Variants in GPR139 observed in about 807,000 individuals in gnomAD.
GPR139 encodes the protein G protein-coupled receptor 139, also known as probable G protein-coupled receptor 139.
Under a neutral mutation model 25.8 loss-of-function variants are expected in GPR139, and 12 were observed. That is an observed-to-expected ratio of 0.47 (90% confidence interval 0.30 to 0.75). The LOEUF is 0.75. Ranked by LOEUF, GPR139 falls within the 30% of genes least tolerant of loss-of-function variation. The pLI, the probability that GPR139 is intolerant of heterozygous loss-of-function variation, is 0.07. For missense variants in GPR139, 380 were observed against 450.2 expected, an observed-to-expected ratio of 0.84 and a Z score of 1.41; for synonymous variants, 184 against 179.9, an observed-to-expected ratio of 1.02 and a Z score of -0.18.
chr16:20,073,684 G>A lies in GPR139; in HGVS notation c.-68C>T. ...CCAGCCCGACTCTGGTCGCCGGCTC[G>A]GTGGTGGCGGCGGCGGAGGCAGCGG... is the stretch of plus-strand genomic sequence containing the variant. On this transcript the variant is annotated 5_prime_UTR_variant, in exon 1 of 2. Coordinates refer to ENST00000570682, the MANE Select transcript of GPR139 (RefSeq NM_001002911.4). The surrounding 1 kb of genome is among the most constrained non-coding windows in gnomAD (Gnocchi z 4.7). 2.0e-6 allele frequency: 3 copies of A among 1,477,122 alleles called. No individual in the cohort carries two copies. Among genetic ancestry groups the A allele is most frequent in the Non-Finnish European group, 2.7e-6 (3 of 1,116,160 alleles). The allele number at this position is 1,477,122 out of a possible 1,614,324, so 91.5% of individuals were successfully genotyped here.
chr16:20,060,857 C>A (rs987899367), intron 1 of GPR139, among the ~76,000 whole-genome samples: 1 of 152,004 alleles, frequency 6.6e-6, no homozygotes, highest in African/African-American at 2.4e-5. Context: ...AGCCTGCTCC[C>A]TTTGTCCCCT....
intron 1 of GPR139, among the ~76,000 whole-genome samples, chr16:20,036,616 C>T (rs985655889): frequency 1.3e-5 from 2 of 152,144 alleles, no homozygotes; most frequent in African/African-American, 4.8e-5. Context: ...TCTCATGAGA[C>T]TTATTCACTA....
intron 1 of GPR139, among the ~76,000 whole-genome samples, chr16:20,036,953 G>C (rs2057312012): frequency 6.6e-6 from 1 of 152,190 alleles, no homozygotes; most frequent in Non-Finnish European, 1.5e-5. Context: ...AGGCTTTGGA[G>C]ATACAGGTAT....
At chr16:20,065,390 C>G (rs2057428339) in intron 1 of GPR139, among the ~76,000 whole-genome samples, 1 of 152,142 alleles carries the variant, frequency 6.6e-6, no homozygotes, top group African/African-American at 2.4e-5. Flanking sequence ...ACTCCCACTT[C>G]TCTCGACCTG....
At chr16:20,043,569 T>C (rs770287023) in intron 1 of GPR139, among the ~76,000 whole-genome samples, 3 of 152,250 alleles carry the variant, frequency 2.0e-5, no homozygotes, top group Non-Finnish European at 4.4e-5. Context: ...CAGTTTATTT[T>C]AAAAGTGAGT....
At chr16:20,063,695 C>T (rs1031951302) in intron 1 of GPR139, among the ~76,000 whole-genome samples, 11 of 152,168 alleles carry the variant, frequency 7.2e-5, no homozygotes, top group South Asian at 2.1e-4. Flanking sequence ...TCTAAGCAAT[C>T]GTTCTGAGCT....
rs1334867595 is a variant in GPR139 at position 20,029,484 on chromosome 16, A to AATAAAT, written c.*2250_*2251insATTTAT. Among the ~76,000 whole-genome samples, 211 of 144,096 alleles carry AATAAAT rather than the reference A, an allele frequency of 1.5e-3. No homozygotes were observed. The highest frequency in any genetic ancestry group is 3.7e-3 in the Middle Eastern group (1 of 272). 94.5% of individuals were successfully genotyped at this position (144,096 alleles called of 152,430 possible). On this transcript the variant is annotated 3_prime_UTR_variant, in exon 2 of 2. Transcript: ENST00000570682. ...TACATGTTTAAAAAATAAATAAATA[A>AATAAAT]ATATATATATATATATATATTCAGT...
At chr16:20,058,544 C>A (rs2057399650) in intron 1 of GPR139, among the ~76,000 whole-genome samples, 1 of 152,138 alleles carries the variant, frequency 6.6e-6, no homozygotes, top group South Asian at 2.1e-4. Context: ...TTGAGAAGAT[C>A]CAAGAAGCAA....
At chr16:20,059,643 T>C (rs1173776821) in intron 1 of GPR139, among the ~76,000 whole-genome samples, 1 of 152,174 alleles carries the variant, frequency 6.6e-6, no homozygotes, top group Admixed American at 6.5e-5. Flanking sequence ...CTGCTGCTTG[T>C]CTCCTTGCTC....
chr16:20,045,876 G>A (rs1371880172), intron 1 of GPR139, among the ~76,000 whole-genome samples: 2 of 152,174 alleles, frequency 1.3e-5, no homozygotes, highest in African/African-American at 4.8e-5. Context: ...TCCGGCTAGC[G>A]ACTGCCTTGG....
intron 1 of GPR139, among the ~76,000 whole-genome samples, chr16:20,038,329 A>ATCTGTGTGTGTG (rs1295913117): frequency 4.2e-5 from 4 of 95,826 alleles, no homozygotes; most frequent in African/African-American, 1.3e-4. Flanking sequence ...TAATATATAT[A>ATCTGTGTGTGTG]TGTGTGTGTG....
At chr16:20,054,238 C>T (rs567929491) in intron 1 of GPR139, among the ~76,000 whole-genome samples, 2 of 152,256 alleles carry the variant, frequency 1.3e-5, no homozygotes, top group African/African-American at 4.8e-5. Flanking sequence ...TCTGTTTGTG[C>T]TGAAAAACTC....
chr16:20,034,626 A>C (rs766083876), intron 1 of GPR139, among the ~76,000 whole-genome samples: 1 of 152,102 alleles, frequency 6.6e-6, no homozygotes, highest in Non-Finnish European at 1.5e-5. Context: ...TACATCTTTG[A>C]ACTCCAGGGC....
rs2057280379 is a variant in GPR139 at position 20,029,703 on chromosome 16, G to A, written c.*2032C>T. 6.6e-6 allele frequency among the ~76,000 whole-genome samples: 1 copy of A among 152,114 alleles called. No homozygotes were observed. The highest frequency in any genetic ancestry group is 2.1e-4 in the South Asian group (1 of 4,816). Reference sequence around the variant, plus strand: ...ATACGCCCTGGGGAGCGTGGGAGATGGGAGATCTGTCCCTCAGTCAGACGA... The same window carrying A: ...ATACGCCCTGGGGAGCGTGGGAGATAGGAGATCTGTCCCTCAGTCAGACGA... On this transcript the variant is annotated 3_prime_UTR_variant, in exon 2 of 2. Coordinates refer to ENST00000570682, the MANE Select transcript of GPR139 (RefSeq NM_001002911.4).
At chr16:20,040,433 T>C (rs1053958171) in intron 1 of GPR139, among the ~76,000 whole-genome samples, 2 of 152,202 alleles carry the variant, frequency 1.3e-5, no homozygotes, top group Non-Finnish European at 2.9e-5. Context: ...GATTATACAA[T>C]AATATTGTTG....
At chr16:20,047,317 G>T (rs2057357702) in intron 1 of GPR139, among the ~76,000 whole-genome samples, 1 of 152,128 alleles carries the variant, frequency 6.6e-6, no homozygotes, top group African/African-American at 2.4e-5. Context: ...CACTATGTTG[G>T]CCAGGCTGGT....
In GPR139 at chr16:20,032,656, T is replaced by C. The variant is rs758452512; in HGVS notation, c.141A>G (p.Thr47=). 1.2e-6 allele frequency: 2 copies of C among 1,604,436 alleles called. No homozygotes were observed. Among genetic ancestry groups the C allele is most frequent in the East Asian group, 4.5e-5 (2 of 44,556 alleles). ...LCLGLPANIL[T]VIILSQLVAR... The stretch of plus-strand genomic sequence containing the variant: ...CCACCAGCTGGGAGAGGATGATCAC[T>C]GTCAAGATATTTGCTGTGGAGAGAA... Residue 47 remains threonine (T), a synonymous_variant, in exon 2 of 2, where the codon ACA becomes ACG. Coordinates refer to ENST00000570682, the MANE Select transcript of GPR139 (RefSeq NM_001002911.4).
At chr16:20,061,178 A>AGTGG (rs2057411915) in intron 1 of GPR139, among the ~76,000 whole-genome samples, 1 of 140,540 alleles carries the variant, frequency 7.1e-6, no homozygotes, top group East Asian at 2.1e-4. Flanking sequence ...CCAGGCCCAG[A>AGTGG]ATGGATGGAT....
At chr16:20,048,200 A>G (rs1596467409) in intron 1 of GPR139, among the ~76,000 whole-genome samples, 1 of 152,346 alleles carries the variant, frequency 6.6e-6, no homozygotes, top group East Asian at 1.9e-4. Context: ...ACTGCAGAAA[A>G]TGAATCAGGT....
Sources: gnomAD v4.1 joint callset for allele counts (sites outside exome capture counted in the v4.1 genomes callset) on GRCh38, gnomAD v4.1.1 for gene constraint, Gnocchi (gnomAD v3.1) non-coding constraint, MANE v1.5 for transcripts, NCBI Gene and HGNC (gene_info 2026-07-23, HGNC 2026-07-21) for gene names.